Variants in ZMAT4 observed in about 807,000 individuals in gnomAD.
ZMAT4 encodes zinc finger matrin-type protein 4.
Under a neutral mutation model 28.7 loss-of-function variants are expected in ZMAT4, and 17 were observed. The ratio of observed to expected loss-of-function variants is 0.59; its 90% confidence interval spans 0.41 to 0.89. The LOEUF is 0.89. ZMAT4 is among the 40% of genes least tolerant of loss of function. ZMAT4 has a pLI of 0.00. For missense variants in ZMAT4, 240 were observed against 283.8 expected (o/e 0.85, Z 1.11); for synonymous variants, 117 against 109.2 (o/e 1.07, Z -0.44).
chr8:40,619,622 C>T (rs1048847854), intron 5 of ZMAT4, among the ~76,000 whole-genome samples: 2 of 152,202 alleles, frequency 1.3e-5, no homozygotes, highest in Admixed American at 1.3e-4. Flanking sequence ...GACAGGCATG[C>T]AGGGGCAAGG....
At chr8:40,605,184 T>C (rs1201079678) in intron 5 of ZMAT4, among the ~76,000 whole-genome samples, 1 of 152,192 alleles carries the variant, frequency 6.6e-6, no homozygotes. Flanking sequence ...TTTCATTTAG[T>C]TCTGTGCTGA....
At chr8:40,781,788 A>G (rs943134778) in intron 2 of ZMAT4, among the ~76,000 whole-genome samples, 3 of 149,006 alleles carry the variant, frequency 2.0e-5, no homozygotes, top group Admixed American at 6.6e-5. Context: ...AAAAAAAAAA[A>G]AAAGAAAAGA....
At chr8:40,636,711 C>T (rs1282841580) in intron 5 of ZMAT4, among the ~76,000 whole-genome samples, 4 of 152,140 alleles carry the variant, frequency 2.6e-5, no homozygotes, top group Admixed American at 2.0e-4. Flanking sequence ...ACAATGGATC[C>T]TCTGCAGGGA....
At position 40,649,489 on chromosome 8, in the gene ZMAT4, C is replaced by A. The variant is rs571685121; in HGVS notation, c.577+25215G>T. Among the ~76,000 whole-genome samples, 22 of 152,210 alleles carry A rather than the reference C, an allele frequency of 1.4e-4. No individual in the cohort carries two copies. The East Asian group carries it at 4.3e-3, about 29-fold the overall frequency. On this transcript the variant is annotated intron_variant, in intron 5 of 6. Transcript: ENST00000297737. Reference sequence around the variant, plus strand: ...ACATTAAGAATGGGAGACTTTAACACCCCACTGTCAACATTAGACAGATCA... The same window carrying A: ...ACATTAAGAATGGGAGACTTTAACAACCCACTGTCAACATTAGACAGATCA...
chr8:40,727,692 T>A (rs992212484), intron 3 of ZMAT4, among the ~76,000 whole-genome samples: 1 of 152,132 alleles, frequency 6.6e-6, no homozygotes, highest in Non-Finnish European at 1.5e-5. Flanking sequence ...CAAGTTATAA[T>A]CCATGTATAA....
Position 40,674,951 on chromosome 8 carries a change from G to T in ZMAT4, c.350-20C>A, listed in dbSNP as rs1487274832. ...GTGTTGCTGTGAAAGGAAACAACCA[G>T]AGAACCACAGCCACGTTAGTCCAAC... On this transcript the variant is annotated intron_variant, in intron 4 of 6. Coordinates refer to ENST00000297737, the MANE Select transcript of ZMAT4 (RefSeq NM_024645.3). 1 of 1,597,028 alleles carries T rather than the reference G, an allele frequency of 6.3e-7. No individual in the cohort carries two copies. The highest frequency in any genetic ancestry group is 1.8e-4 in the Middle Eastern group (1 of 5,460).
At chr8:40,732,863 G>A (rs1476699983) in intron 3 of ZMAT4, among the ~76,000 whole-genome samples, 7 of 16,812 alleles carry the variant, frequency 4.2e-4, no homozygotes, top group Admixed American at 3.8e-3. Flanking sequence ...TTTTTTTTTT[G>A]AGTTGGGGGT....
chr8:40,548,707 C>T (rs976342760), intron 6 of ZMAT4, among the ~76,000 whole-genome samples: 3 of 151,974 alleles, frequency 2.0e-5, no homozygotes, highest in Non-Finnish European at 4.4e-5. Flanking sequence ...GCTTGAAATG[C>T]AGTAATAGAG....
At chr8:40,791,506 G>A (rs1234758431) in intron 2 of ZMAT4, among the ~76,000 whole-genome samples, 1 of 152,198 alleles carries the variant, frequency 6.6e-6, no homozygotes, top group Non-Finnish European at 1.5e-5. Context: ...GGCTCAGAGA[G>A]GCTGAGCAAC....
rs546120680 is a variant in ZMAT4, at chr8:40,855,463, G to T, written c.-4-29783C>A. 2.0e-5 allele frequency among the ~76,000 whole-genome samples: 3 copies of T among 152,094 alleles called. No homozygotes were observed. The South Asian group carries it at 6.2e-4, about 32-fold the overall frequency. ...CTGTCTCTCTCCACAAAACTCCACA[G>T]GTTCTGTAGGAGTAGAGAACCAAAG... is the stretch of plus-strand genomic sequence containing the variant. On this transcript the variant is annotated intron_variant, in intron 1 of 6. Coordinates refer to ENST00000297737, the MANE Select transcript of ZMAT4 (RefSeq NM_024645.3).
intron 1 of ZMAT4, among the ~76,000 whole-genome samples, chr8:40,867,324 T>TC (rs71546316): frequency 0.22 from 33,453 of 152,112 alleles, 3,765 homozygotes; most frequent in Admixed American, 0.25. Flanking sequence ...TTCTAAGCCA[T>TC]CTGGGCCACG....
intron 5 of ZMAT4, among the ~76,000 whole-genome samples, chr8:40,671,271 T>C (rs1329253549): frequency 6.6e-6 from 1 of 152,140 alleles, no homozygotes; most frequent in Non-Finnish European, 1.5e-5. Context: ...GGCAGTTTCT[T>C]CTATAGTTAA....
intron 1 of ZMAT4, among the ~76,000 whole-genome samples, chr8:40,887,559 CA>C (rs144568478): frequency 1.3e-5 from 2 of 149,716 alleles, no homozygotes; most frequent in African/African-American, 4.9e-5. Flanking sequence ...TTGGAAAATA[CA>C]AAAAAAAAGT....
chr8:40,656,963 C>T (rs1411238732), intron 5 of ZMAT4, among the ~76,000 whole-genome samples: 1 of 152,012 alleles, frequency 6.6e-6, no homozygotes, highest in Non-Finnish European at 1.5e-5. Context: ...ATACTAAAAA[C>T]CAGTGAAATG....
intron 3 of ZMAT4, among the ~76,000 whole-genome samples, chr8:40,739,195 G>A (rs1811896619): frequency 6.6e-6 from 1 of 152,146 alleles, no homozygotes; most frequent in African/African-American, 2.4e-5. Context: ...AGGAGCCTCC[G>A]AAAAGCTCTT....
chr8:40,533,647 T>C (rs1563329062), intron 6 of ZMAT4, among the ~76,000 whole-genome samples: 2 of 152,222 alleles, frequency 1.3e-5, no homozygotes, highest in Non-Finnish European at 2.9e-5. Flanking sequence ...ATTCTTAGGA[T>C]CTGAATAAGA....
chr8:40,613,642 T>G (rs1805885976), intron 5 of ZMAT4, among the ~76,000 whole-genome samples: 1 of 152,214 alleles, frequency 6.6e-6, no homozygotes, highest in African/African-American at 2.4e-5. Context: ...AATGTAAATC[T>G]TATCTGTCAT....
intron 2 of ZMAT4, among the ~76,000 whole-genome samples, chr8:40,812,572 G>C (rs1237793755): frequency 2.6e-5 from 4 of 152,152 alleles, no homozygotes; most frequent in Non-Finnish European, 5.9e-5. Context: ...GGGACCCTGG[G>C]ACAGAAAATG....
In ZMAT4 at chr8:40,872,483, C is replaced by T. The variant is rs1292247875; in HGVS notation, c.-5+25200G>A. Among the ~76,000 whole-genome samples, 3 of 152,218 alleles carry T rather than the reference C, an allele frequency of 2.0e-5. No homozygotes were observed. In the East Asian group the frequency reaches 5.8e-4, roughly 29 times the overall value. On this transcript the variant is annotated intron_variant, in intron 1 of 6. Coordinates refer to ENST00000297737, the MANE Select transcript of ZMAT4 (RefSeq NM_024645.3). ...AGAGTAAACAAGCTGGGAAATGCCA[C>T]CAGTGTGCTCTCAAAGCTCCTGTCC...
Sources: allele counts gnomAD v4.1 joint callset (sites outside exome capture counted in the v4.1 genomes callset), GRCh38; gene constraint gnomAD v4.1.1; transcripts MANE v1.5; gene names NCBI Gene and HGNC (gene_info 2026-07-23, HGNC 2026-07-21).